Variants in WTAP observed in about 807,000 individuals in gnomAD.
The protein encoded by WTAP is pre-mRNA-splicing regulator WTAP.
WTAP carries 8 observed loss-of-function variants against 50.0 expected under a neutral mutation model. The observed-to-expected ratio is 0.16, with a 90% CI of 0.09 to 0.29. WTAP has a LOEUF of 0.29. WTAP is among the 10% of genes least tolerant of loss of function. WTAP has a pLI of 1.00. For missense variants in WTAP, 295 were observed against 470.7 expected (o/e 0.63, Z 3.45); for synonymous variants, 194 against 169.0 (o/e 1.15, Z -1.15).
chr6:159,751,401 A>G (rs1013518635), intron 6 of WTAP, among the ~76,000 whole-genome samples: 6 of 152,240 alleles, frequency 3.9e-5, no homozygotes, highest in Non-Finnish European at 8.8e-5. Context: ...GTAAACACCA[A>G]TGAAATATAT....
At chr6:159,731,565 T>C (rs2114873119) in intron 1 of WTAP, among the ~76,000 whole-genome samples, 1 of 152,348 alleles carries the variant, frequency 6.6e-6, no homozygotes, top group African/African-American at 2.4e-5. Flanking sequence ...TTAGAAACAG[T>C]CGGGAGGACA....
chr6:159,751,383 G>C (rs1322198489), intron 6 of WTAP, among the ~76,000 whole-genome samples: 1 of 152,178 alleles, frequency 6.6e-6, no homozygotes, highest in Non-Finnish European at 1.5e-5. Context: ...ATAGTAAGAA[G>C]GTTAGTTGTA....
chr6:159,743,639 T>A, intron 4 of WTAP, 26 bp from the exon 5 acceptor site: 1 of 1,571,048 alleles, frequency 6.4e-7, no homozygotes, highest in South Asian at 1.2e-5. Context: ...TAAAATTGTA[T>A]TTATAATTTT....
intron 5 of WTAP, among the ~76,000 whole-genome samples, chr6:159,747,580 T>C (rs1228115206): frequency 6.6e-6 from 1 of 152,240 alleles, no homozygotes; most frequent in African/African-American, 2.4e-5. Context: ...TGTATATTTT[T>C]TCCTTTAGAA....
intron 1 of WTAP, among the ~76,000 whole-genome samples, chr6:159,735,210 G>A (rs566378903): frequency 1.7e-4 from 26 of 152,192 alleles, no homozygotes; most frequent in African/African-American, 6.3e-4. Context: ...GCGCCATCTC[G>A]GCTCACTGCA....
chr6:159,739,061 TTCAAAAACA>T lies in WTAP; in HGVS notation c.86+17_86+25del. The T allele has an allele frequency of 6.2e-7, 1 of 1,602,986 alleles. No homozygotes were observed. ...TAATTCTAAGGTAAAATGTTCTCTG[TTCAAAAACA>T]AAGTCTTTCTATAGAACATTATATT... On this transcript the variant is annotated intron_variant, in intron 3 of 7. Coordinates refer to ENST00000621533, the MANE Select transcript of WTAP (RefSeq NM_001270531.2).
chr6:159,731,850 ACTTT>A (rs1778590262), intron 1 of WTAP, among the ~76,000 whole-genome samples: 2 of 152,218 alleles, frequency 1.3e-5, no homozygotes, highest in Admixed American at 6.5e-5. Flanking sequence ...GGTTATCAGA[ACTTT>A]CTTCATGTGT....
At chr6:159,752,759 C>T (rs796436529) in intron 6 of WTAP, among the ~76,000 whole-genome samples, 4 of 152,254 alleles carry the variant, frequency 2.6e-5, no homozygotes, top group African/African-American at 9.6e-5. Flanking sequence ...TTCCCTCTCT[C>T]CTCCTCTTTT....
intron 6 of WTAP, among the ~76,000 whole-genome samples, chr6:159,752,456 A>G (rs1779856124): frequency 6.6e-6 from 1 of 152,176 alleles, no homozygotes; most frequent in South Asian, 2.1e-4. Context: ...GAAACATTTG[A>G]GCTTTTCATT....
At chr6:159,733,270 C>T (rs1291461167) in intron 1 of WTAP, among the ~76,000 whole-genome samples, 1 of 152,170 alleles carries the variant, frequency 6.6e-6, no homozygotes, top group African/African-American at 2.4e-5. Context: ...ATACAATTAG[C>T]TCAGAAACAA....
At chr6:159,753,334 A>G (rs1779888220) in intron 6 of WTAP, 126 bp from the exon 7 acceptor site, 3 of 1,310,762 alleles carry the variant, frequency 2.3e-6, no homozygotes, top group Non-Finnish European at 3.2e-6. Context: ...GAAGATGGTA[A>G]TTATGGGGAA....
chr6:159,727,151 C>T (rs1004206508), upstream of WTAP: 62 of 1,195,194 alleles, frequency 5.2e-5, no homozygotes, highest in African/African-American at 5.9e-4. Flanking sequence ...GCTCCGGGGC[C>T]CGCGGAGCTC....
chr6:159,737,719 C>G (rs548173067), intron 2 of WTAP, among the ~76,000 whole-genome samples: 1 of 151,920 alleles, frequency 6.6e-6, no homozygotes, highest in African/African-American at 2.4e-5. Flanking sequence ...CTTGAACTCC[C>G]GAGTTCAAGA....
intron 6 of WTAP, among the ~76,000 whole-genome samples, chr6:159,751,748 T>G (rs1190215330): frequency 1.3e-5 from 2 of 152,218 alleles, no homozygotes; most frequent in Non-Finnish European, 1.5e-5. Flanking sequence ...TTACAAACTT[T>G]TCCTTGAATT....
At chr6:159,745,678 C>T (rs1047003237) in intron 5 of WTAP, among the ~76,000 whole-genome samples, 31 of 152,136 alleles carry the variant, frequency 2.0e-4, no homozygotes, top group African/African-American at 7.2e-4. Flanking sequence ...AAGAATTCTT[C>T]AGCAAGAGAT....
rs940088923 is a variant in WTAP at position 159,727,561 on chromosome 6, G to C, written c.-151G>C. The C allele has an allele frequency of 1.0e-6, 1 of 988,742 alleles. No individual in the cohort carries two copies. The highest frequency in any genetic ancestry group is 1.7e-5 in the African/African-American group (1 of 57,156). The allele number at this position is 988,742 out of a possible 1,614,324, so 61.2% of individuals were successfully genotyped here. ...CCCACAAATAAAGGGGAGCGCAGGG[G>C]TTGCGGCGGGACTAGGAGCGCGGCG... On this transcript the variant is annotated 5_prime_UTR_variant, in exon 1 of 8. Transcript: ENST00000621533.
At position 159,727,531 on chromosome 6, in the gene WTAP, C is replaced by G; in HGVS notation, c.-181C>G. 1.0e-6 allele frequency: 1 copy of G among 991,602 alleles called. No individual in the cohort carries two copies. The highest frequency in any genetic ancestry group is 1.2e-6 in the Non-Finnish European group (1 of 834,820). The allele number at this position is 991,602 out of a possible 1,614,324, so 61.4% of individuals were successfully genotyped here. On this transcript the variant is annotated 5_prime_UTR_variant, in exon 1 of 8. Transcript: ENST00000621533. ...CTCCCTCAGCGCCATTTTGTGGCAG[C>G]GAGACCCACAAATAAAGGGGAGCGC...
At chr6:159,751,927 C>T (rs965132868) in intron 6 of WTAP, among the ~76,000 whole-genome samples, 6 of 151,864 alleles carry the variant, frequency 4.0e-5, no homozygotes, top group African/African-American at 1.2e-4. Flanking sequence ...TGGGGGTGCT[C>T]GTGCACACCT....
At chr6:159,733,721 C>T (rs777928741) in intron 1 of WTAP, among the ~76,000 whole-genome samples, 154 of 151,986 alleles carry the variant, frequency 1.0e-3, no homozygotes, top group Non-Finnish European at 1.6e-3. Context: ...CCAGACCACC[C>T]TGACCAACAT....
Sources: allele counts gnomAD v4.1 joint callset (sites outside exome capture counted in the v4.1 genomes callset), GRCh38; gene constraint gnomAD v4.1.1; transcripts MANE v1.5; gene names NCBI Gene and HGNC (gene_info 2026-07-23, HGNC 2026-07-21).